C12orf42: variants seen among roughly 807,000 people sequenced by gnomAD.
The protein encoded by C12orf42 is chromosome 12 open reading frame 42, also known as uncharacterized protein C12orf42.
C12orf42 carries 25 observed loss-of-function variants against 21.6 expected under a neutral mutation model. The observed-to-expected ratio is 1.16, with a 90% CI of 0.84 to 1.62. The LOEUF (loss-of-function observed/expected upper bound fraction) is 1.62, where lower values mean the gene tolerates loss of function less well. Ranked by LOEUF, C12orf42 falls within the 40% of genes most tolerant of loss-of-function variation. C12orf42 has a pLI of 0.00. For missense variants in C12orf42, 483 were observed against 459.3 expected (o/e 1.05, Z -0.47); for synonymous variants, 174 against 175.0 (o/e 0.99, Z 0.05).
downstream of C12orf42, among the ~76,000 whole-genome samples, chr12:103,297,494 G>C (rs1338434913): frequency 6.6e-6 from 1 of 152,368 alleles, no homozygotes; most frequent in Non-Finnish European, 1.5e-5. Context: ...GTCCAGACCA[G>C]ATGGATTCAC....
chr12:103,322,147 AC>A (rs1566078096), intron 4 of C12orf42, among the ~76,000 whole-genome samples: 135 of 149,698 alleles, frequency 9.0e-4, no homozygotes, highest in African/African-American at 3.2e-3. Flanking sequence ...ACACACACAC[AC>A]ACGCACACGC....
At chr12:103,363,356 G>C (rs544490151) in intron 4 of C12orf42, among the ~76,000 whole-genome samples, 2 of 152,154 alleles carry the variant, frequency 1.3e-5, no homozygotes, top group East Asian at 3.9e-4. Flanking sequence ...TCTAAATCTT[G>C]AAAGAAATCC....
At chr12:103,430,734 C>T (rs1439216241) in intron 2 of C12orf42, among the ~76,000 whole-genome samples, 1 of 152,152 alleles carries the variant, frequency 6.6e-6, no homozygotes, top group Non-Finnish European at 1.5e-5. Flanking sequence ...CAATGATAGA[C>T]TGGATAAAGA....
chr12:103,140,513 T>C, the C12orf42 span, among the ~76,000 whole-genome samples: 1 of 152,192 alleles, frequency 6.6e-6, no homozygotes, highest in South Asian at 2.1e-4. Flanking sequence ...TGAGCCAAGC[T>C]GGCCAACACC....
intron 2 of C12orf42, among the ~76,000 whole-genome samples, chr12:103,432,260 G>C (rs10467024): frequency 6.6e-6 from 1 of 152,068 alleles, no homozygotes; most frequent in African/African-American, 2.4e-5. Context: ...TGAGATCTTA[G>C]CCACAAGATG....
At chr12:103,507,137 A>ATAT in the C12orf42 span, among the ~76,000 whole-genome samples, 2 of 14,194 alleles carry the variant, frequency 1.4e-4, no homozygotes, top group Admixed American at 1.3e-3. Context: ...AATATATATT[A>ATAT]TATATATAAT....
chr12:103,488,138 T>C (rs1366065877), intron 1 of C12orf42, among the ~76,000 whole-genome samples: 1 of 152,254 alleles, frequency 6.6e-6, no homozygotes, highest in Non-Finnish European at 1.5e-5. Context: ...GGAGCTCTTG[T>C]AAGGCAGGCC....
chr12:103,313,505 C>T (rs557557107), intron 4 of C12orf42, among the ~76,000 whole-genome samples: 4 of 152,330 alleles, frequency 2.6e-5, no homozygotes, highest in Admixed American at 2.0e-4. Context: ...TTCCCCTTCC[C>T]AGCTGTGTTA....
At chr12:103,232,547 A>G in the C12orf42 span, among the ~76,000 whole-genome samples, 4 of 152,048 alleles carry the variant, frequency 2.6e-5, no homozygotes, top group Non-Finnish European at 4.4e-5. Flanking sequence ...CATGTCTACT[A>G]AAAATACAAA....
At chr12:103,207,932 C>T in the C12orf42 span, among the ~76,000 whole-genome samples, 1 of 152,154 alleles carries the variant, frequency 6.6e-6, no homozygotes, top group Non-Finnish European at 1.5e-5. Context: ...GCTTGAACTC[C>T]CTGTGACAGC....
chr12:103,549,681 A>T, the C12orf42 span: 1 of 152,060 alleles, frequency 6.6e-6, no homozygotes, highest in East Asian at 1.9e-4. Context: ...TTTTCTGAAC[A>T]TGGTAGATCA....
At chr12:103,276,737 T>C (rs1285326601) in intron 5 of C12orf42, among the ~76,000 whole-genome samples, 3 of 152,216 alleles carry the variant, frequency 2.0e-5, no homozygotes, top group African/African-American at 7.2e-5. Flanking sequence ...CATAACGTAA[T>C]GAAAGCTGAC....
chr12:103,508,018 C>T, the C12orf42 span, among the ~76,000 whole-genome samples: 40 of 152,120 alleles, frequency 2.6e-4, no homozygotes, highest in African/African-American at 9.7e-4. Flanking sequence ...CTCAGCCTGG[C>T]TCTCTAACTT....
intron 4 of C12orf42, among the ~76,000 whole-genome samples, chr12:103,316,384 T>C (rs2039495863): frequency 6.6e-6 from 1 of 152,038 alleles, no homozygotes. Context: ...AAACTAAGAC[T>C]GTTTTAGACA....
chr12:103,075,486 C>T, the C12orf42 span, among the ~76,000 whole-genome samples: 1 of 152,184 alleles, frequency 6.6e-6, no homozygotes, highest in African/African-American at 2.4e-5. Flanking sequence ...AGGATCATAG[C>T]AGTGATGCCA....
chr12:103,153,471 A>C, the C12orf42 span, among the ~76,000 whole-genome samples: 6 of 152,182 alleles, frequency 3.9e-5, no homozygotes, highest in African/African-American at 1.4e-4. Context: ...GAACCTCACA[A>C]ATCAATTTTA....
intron 3 of C12orf42, among the ~76,000 whole-genome samples, chr12:103,386,375 C>T (rs1211188161): frequency 6.6e-6 from 1 of 152,136 alleles, no homozygotes; most frequent in Non-Finnish European, 1.5e-5. Context: ...TACTCCGGAA[C>T]TGAACTGACC....
the C12orf42 span, among the ~76,000 whole-genome samples, chr12:103,207,745 G>A: frequency 6.6e-6 from 1 of 152,072 alleles, no homozygotes; most frequent in African/African-American, 2.4e-5. Flanking sequence ...TTTCATCTGG[G>A]CCTATCACTT....
chr12:103,507,556 T>C, the C12orf42 span, among the ~76,000 whole-genome samples: 8,646 of 150,914 alleles, frequency 0.057, 840 homozygotes, highest in African/African-American at 0.2. Context: ...CACACACCTG[T>C]AGTTCCAAGC....
Sources: gnomAD v4.1 joint callset for allele counts (sites outside exome capture counted in the v4.1 genomes callset) on GRCh38, gnomAD v4.1.1 for gene constraint, MANE v1.5 for transcripts, NCBI Gene and HGNC (gene_info 2026-07-23, HGNC 2026-07-21) for gene names.